HIVEP3: variants seen among roughly 807,000 people sequenced by gnomAD.
HIVEP3 encodes HIVEP zinc finger 3, also known as transcription factor HIVEP3.
A neutral mutation model predicts 152.8 loss-of-function variants in HIVEP3; 49 were observed. The ratio of observed to expected loss-of-function variants is 0.32; its 90% confidence interval spans 0.26 to 0.41. The LOEUF (loss-of-function observed/expected upper bound fraction) is 0.41, where lower values mean the gene tolerates loss of function less well. HIVEP3 is among the 10% of genes least tolerant of loss of function. HIVEP3 has a pLI of 1.00. For missense variants in HIVEP3, 2,790 were observed against 3,103.3 expected (o/e 0.90, Z 2.40); for synonymous variants, 1,269 against 1,289.0 (o/e 0.98, Z 0.33).
At position 41,583,607 on chromosome 1, in the gene HIVEP3, G is replaced by A. The variant is rs201683736; in HGVS notation, c.1191C>T (p.Ser397=). Residue 397 remains serine, a synonymous_variant, in exon 4 of 9, where the codon TCC becomes TCT. Transcript: ENST00000372583. This position sits in a 1 kb window ranked among gnomAD's most constrained non-coding sequence, Gnocchi z 6.9. ...GGCTGACCTGCTGCTCTGCACTCTC[G>A]GAGCGAGAGAAATACCCAGACTCAG... The part of the protein sequence containing the change: ...GSTESGYFSR[S]ESAEQQVSPP... The A allele has an allele frequency of 7.9e-4, 1,281 of 1,614,114 alleles. 16 individuals carry two copies. In the South Asian group the frequency reaches 0.013, roughly 16 times the overall value.
chr1:41,534,419 C>A (rs61143489), intron 5 of HIVEP3, among the ~76,000 whole-genome samples: 2,411 of 152,222 alleles, frequency 0.016, 68 homozygotes, highest in African/African-American at 0.055. Context: ...CCCAGCACCA[C>A]CCCCTCTCCT....
chr1:41,583,511 G>C lies in HIVEP3; in HGVS notation c.1287C>G (p.Thr429=). Residue 429 remains threonine (T), a synonymous_variant, in exon 4 of 9, where the codon ACC becomes ACG. Coordinates refer to ENST00000372583, the MANE Select transcript of HIVEP3 (RefSeq NM_024503.5). The surrounding 1 kb of genome is among the most constrained non-coding windows in gnomAD (Gnocchi z 6.9). ...FGKCGRIGQR[T]AMLTATSTQP... ...GGGTGGAGGTGGCTGTCAGCATGGC[G>C]GTCCGCTGTCCTATTCGCCCACACT... 1 of 1,614,000 alleles carries C rather than the reference G, an allele frequency of 6.2e-7. No homozygotes were observed. The highest frequency in any genetic ancestry group is 8.5e-7 in the Non-Finnish European group (1 of 1,179,958).
intron 3 of HIVEP3, among the ~76,000 whole-genome samples, chr1:41,626,863 T>G (rs903260415): frequency 3.9e-5 from 6 of 152,136 alleles, no homozygotes; most frequent in African/African-American, 1.4e-4. Context: ...AGGAAGCATC[T>G]TGGTGGAGAA....
chr1:41,940,209 C>T (rs774655290), intron 1 of HIVEP3, among the ~76,000 whole-genome samples: 2 of 152,148 alleles, frequency 1.3e-5, no homozygotes, highest in Non-Finnish European at 2.9e-5. Flanking sequence ...ATGAAATATA[C>T]AATTGAGCTG....
chr1:41,601,517 G>C lies in HIVEP3; in HGVS notation c.-521-16199C>G, dbSNP rs1179174818. 6.6e-5 allele frequency among the ~76,000 whole-genome samples: 10 copies of C among 152,014 alleles called. 1 individual carries two copies. The highest frequency in any genetic ancestry group is 1.5e-4 in the Non-Finnish European group (10 of 67,952). ...TATTGTTTTAGGTGTTATTATAAGT[G>C]ACATTATTTTTCTAATTTTCTTTTC... is the stretch of plus-strand genomic sequence containing the variant. On this transcript the variant is annotated intron_variant, in intron 3 of 8. Coordinates refer to ENST00000372583, the MANE Select transcript of HIVEP3 (RefSeq NM_024503.5).
At chr1:41,916,705 C>A (rs1026193727) in intron 1 of HIVEP3, among the ~76,000 whole-genome samples, 1 of 152,194 alleles carries the variant, frequency 6.6e-6, no homozygotes, top group African/African-American at 2.4e-5. Context: ...TATTCTTCAG[C>A]CCCACAGTAT....
chr1:41,516,873 G>A (rs1642622467), intron 7 of HIVEP3, among the ~76,000 whole-genome samples: 1 of 152,210 alleles, frequency 6.6e-6, no homozygotes, highest in Non-Finnish European at 1.5e-5. Flanking sequence ...CCCTCCCCAC[G>A]GGCCCCAGCC....
intron 1 of HIVEP3, among the ~76,000 whole-genome samples, chr1:42,009,504 C>T (rs1200778004): frequency 1.3e-5 from 2 of 152,158 alleles, no homozygotes; most frequent in Non-Finnish European, 2.9e-5. Flanking sequence ...GCATTGCTTC[C>T]TTGCCCCAAT....
At chr1:41,975,166 G>A (rs891844631) in intron 1 of HIVEP3, among the ~76,000 whole-genome samples, 10 of 152,162 alleles carry the variant, frequency 6.6e-5, no homozygotes, top group East Asian at 1.9e-4. Flanking sequence ...CAAGCCTCCT[G>A]TGGGATCAGC....
chr1:41,786,370 C>T (rs560219663), intron 1 of HIVEP3, among the ~76,000 whole-genome samples: 5 of 152,202 alleles, frequency 3.3e-5, no homozygotes, highest in African/African-American at 1.2e-4. Context: ...ATCCTCTGCT[C>T]AGGGCCTGCC....
At chr1:41,643,890 CTTTT>C (rs58838768) in intron 2 of HIVEP3, among the ~76,000 whole-genome samples, 2 of 71,964 alleles carry the variant, frequency 2.8e-5, no homozygotes, top group East Asian at 6.4e-4. Flanking sequence ...TTCCCATCCT[CTTTT>C]TTTTTTTTTT....
intron 1 of HIVEP3, among the ~76,000 whole-genome samples, chr1:41,753,202 T>C (rs901866075): frequency 6.6e-6 from 1 of 151,946 alleles, no homozygotes; most frequent in Admixed American, 6.6e-5. Flanking sequence ...AGTATGGAAA[T>C]TGATACTGCC....
At chr1:42,001,574 T>C (rs1387673402) in intron 1 of HIVEP3, among the ~76,000 whole-genome samples, 1 of 152,160 alleles carries the variant, frequency 6.6e-6, no homozygotes, top group Non-Finnish European at 1.5e-5. Flanking sequence ...GATTACCTAC[T>C]ATGTACCAGA....
rs764327869 is a variant in HIVEP3, at chr1:41,582,988, C to T, written c.1810G>A (p.Glu604Lys). The change falls in exon 4 of 9, where the codon GAG becomes AAG. Residue 604 changes from glutamate to lysine, a missense_variant. Physicochemically the swap from Glu to Lys is moderately conservative, Grantham distance 56. This residue lies in a region of HIVEP3 where 339 missense variants were observed against 327.0 expected (regional missense o/e 1.04). Transcript: ENST00000372583. This position sits in a 1 kb window ranked among gnomAD's most constrained non-coding sequence, Gnocchi z 4.7. Reference sequence around the variant, plus strand: ...TCTTTGCTGCTTGGGCCAGGCTCCTCAGAACTGTATTCCCCTCCCAAAGGT... The same window carrying T: ...TCTTTGCTGCTTGGGCCAGGCTCCTTAGAACTGTATTCCCCTCCCAAAGGT... ...ELPLGGEYSS[E>K]EPGPSSKDTA... The T allele has an allele frequency of 1.9e-6, 3 of 1,613,960 alleles. No individual in the cohort carries two copies. Among genetic ancestry groups the T allele is most frequent in the Non-Finnish European group, 2.5e-6 (3 of 1,180,026 alleles).
intron 1 of HIVEP3, among the ~76,000 whole-genome samples, chr1:41,850,322 AC>A (rs200751996): frequency 0.018 from 2,769 of 149,998 alleles, 103 homozygotes; most frequent in African/African-American, 0.067. Context: ...AGAAAAGGCC[AC>A]CACACACACA....
chr1:41,948,360 A>G (rs1341474241), intron 1 of HIVEP3, among the ~76,000 whole-genome samples: 2 of 152,230 alleles, frequency 1.3e-5, no homozygotes, highest in African/African-American at 2.4e-5. Flanking sequence ...CCACGCAGCA[A>G]TATGGAGAGA....
rs145557901 is a variant in HIVEP3 at position 41,652,382 on chromosome 1, C to T, written c.-720-23435G>A. 1.1e-4 allele frequency among the ~76,000 whole-genome samples: 17 copies of T among 152,248 alleles called. No homozygotes were observed. In the South Asian group the frequency reaches 2.7e-3, roughly 24 times the overall value. ...TAAGAAACTGAAGTCCAGTTTCCAA[C>T]GAGAGGCAATCATAGCATGGAATTG... On this transcript the variant is annotated intron_variant, in intron 2 of 8. Transcript: ENST00000372583.
At chr1:41,862,833 T>C (rs1017152648) in intron 1 of HIVEP3, among the ~76,000 whole-genome samples, 1 of 152,190 alleles carries the variant, frequency 6.6e-6, no homozygotes, top group Non-Finnish European at 1.5e-5. Context: ...CTGCCCAGCT[T>C]TACTGACGTA....
chr1:41,945,468 G>C (rs1645069671), intron 1 of HIVEP3, among the ~76,000 whole-genome samples: 2 of 152,208 alleles, frequency 1.3e-5, no homozygotes, highest in Non-Finnish European at 2.9e-5. Flanking sequence ...CTGACATGGA[G>C]AGATATAATG....
Sources: allele counts gnomAD v4.1 joint callset (sites outside exome capture counted in the v4.1 genomes callset), GRCh38; gene constraint gnomAD v4.1.1; regional missense constraint gnomAD v4.1.1; non-coding constraint Gnocchi (gnomAD v3.1); transcripts MANE v1.5; gene names NCBI Gene and HGNC (gene_info 2026-07-23, HGNC 2026-07-21).